Variants in SLC12A7 observed in about 807,000 individuals in gnomAD.
SLC12A7 encodes K-Cl cotransporter 4.
A neutral mutation model predicts 120.6 loss-of-function variants in SLC12A7; 100 were observed. That is an observed-to-expected ratio of 0.83 (90% CI 0.71 to 0.98). The LOEUF is 0.98. SLC12A7 is among the 50% of genes least tolerant of loss of function. The pLI is 0.00. For missense variants in SLC12A7, 1,373 were observed against 1,548.1 expected (o/e 0.89, Z 1.90); for synonymous variants, 760 against 678.0 (o/e 1.12, Z -1.88).
intron 17 of SLC12A7, among the ~76,000 whole-genome samples, chr5:1,068,847 A>C (rs1737335482): frequency 2.6e-5 from 4 of 152,220 alleles, no homozygotes; most frequent in Admixed American, 2.6e-4. Flanking sequence ...TCCCCCAGTC[A>C]CTGCAATCCC....
chr5:1,053,850 C>G (rs1389141922), intron 22 of SLC12A7, among the ~76,000 whole-genome samples: 2 of 152,218 alleles, frequency 1.3e-5, no homozygotes, highest in Non-Finnish European at 2.9e-5. Flanking sequence ...GGCCCATGTG[C>G]CTGACGCCTT....
Position 1,057,469 on chromosome 5 carries a change from A to G in SLC12A7, c.3026+2T>C. 6.2e-7 allele frequency: 1 copy of G among 1,608,560 alleles called. No individual in the cohort carries two copies. Among genetic ancestry groups the G allele is most frequent in the Non-Finnish European group, 8.5e-7 (1 of 1,178,536 alleles). On this transcript the variant is annotated splice_donor_variant, in intron 22 of 23. Coordinates refer to ENST00000264930, the MANE Select transcript of SLC12A7 (RefSeq NM_006598.3). LOFTEE classifies it high-confidence loss of function. ...CCCCAGGCCACACGCACGGACACTC[A>G]CGGCTTCATGCTGAAGAGGTCTTTG... is the stretch of plus-strand genomic sequence containing the variant.
chr5:1,067,758 C>T (rs1019563438), intron 17 of SLC12A7, among the ~76,000 whole-genome samples: 6 of 152,194 alleles, frequency 3.9e-5, no homozygotes, highest in Non-Finnish European at 5.9e-5. Context: ...TTCAGGAGGA[C>T]GCGGCACTGC....
intron 1 of SLC12A7, among the ~76,000 whole-genome samples, chr5:1,097,869 C>G (rs1038968825): frequency 6.6e-6 from 1 of 152,084 alleles, no homozygotes; most frequent in Non-Finnish European, 1.5e-5. Context: ...AGAAGAGTGT[C>G]GCTTGGTCTC....
At chr5:1,117,044 G>A (rs529741499), upstream of SLC12A7, among the ~76,000 whole-genome samples, 143 of 152,204 alleles carry the variant, frequency 9.4e-4, no homozygotes, top group Middle Eastern at 3.4e-3. The surrounding 1 kb of genome is among the most constrained non-coding windows in gnomAD (Gnocchi z 4.5). Context: ...TGCCGCCCCC[G>A]ACCCCAGCAA....
At chr5:1,154,328 T>C in the SLC12A7 span, among the ~76,000 whole-genome samples, 1 of 148,896 alleles carries the variant, frequency 6.7e-6, no homozygotes, top group African/African-American at 2.5e-5. Context: ...TACCAATCCA[T>C]GCAGTCCTGG....
At chr5:1,081,434 G>A (rs1739094696) in intron 9 of SLC12A7, 143 bp downstream of exon 9, 1 of 820,140 alleles carries the variant, frequency 1.2e-6, no homozygotes, top group Non-Finnish European at 1.8e-6. Flanking sequence ...CAGGTGGGAG[G>A]AATATTTGTG....
the SLC12A7 span, among the ~76,000 whole-genome samples, chr5:1,154,275 G>A: frequency 3.4e-4 from 52 of 150,976 alleles, 1 homozygote; most frequent in Middle Eastern, 3.4e-3. Context: ...GCACTGAGCC[G>A]AATCCAACTG....
chr5:1,107,946 C>A (rs1742656969), intron 1 of SLC12A7, among the ~76,000 whole-genome samples: 1 of 152,142 alleles, frequency 6.6e-6, no homozygotes, highest in South Asian at 2.1e-4. Flanking sequence ...GGAACGGATA[C>A]CCAACACCCA....
intron 18 of SLC12A7, 46 bp downstream of exon 18, chr5:1,065,237 A>G: frequency 7.2e-7 from 1 of 1,398,520 alleles, no homozygotes; most frequent in Non-Finnish European, 9.8e-7. Context: ...GAGAGGACAC[A>G]GAGGGGACGG....
chr5:1,138,918 T>C, the SLC12A7 span, among the ~76,000 whole-genome samples: 2 of 152,240 alleles, frequency 1.3e-5, no homozygotes, highest in Non-Finnish European at 2.9e-5. Context: ...TCCTAACATG[T>C]GCCCTGAGGT....
Position 1,097,346 on chromosome 5 carries a change from C to T in SLC12A7, c.125-3098G>A, listed in dbSNP as rs540745014. Among the ~76,000 whole-genome samples, 13 of 152,288 alleles carry T rather than the reference C, an allele frequency of 8.5e-5. 1 individual carries two copies. The highest frequency in any genetic ancestry group is 6.2e-4 in the South Asian group (3 of 4,826). ...CCTGCTCACCGCAGCGTCTCCTCTG[C>T]GCAGCCCACTTGGGAAGATGGCAAC... On this transcript the variant is annotated intron_variant, in intron 1 of 23. Coordinates refer to ENST00000264930, the MANE Select transcript of SLC12A7 (RefSeq NM_006598.3).
chr5:1,107,484 C>T (rs1742617891), intron 1 of SLC12A7, among the ~76,000 whole-genome samples: 1 of 152,220 alleles, frequency 6.6e-6, no homozygotes, highest in Admixed American at 6.5e-5. Context: ...GAGGACAGCC[C>T]CCAACTCACC....
At chr5:1,074,982 G>A (rs1031749185) in intron 15 of SLC12A7, among the ~76,000 whole-genome samples, 5 of 152,196 alleles carry the variant, frequency 3.3e-5, no homozygotes, top group Non-Finnish European at 1.5e-5. Flanking sequence ...GGCACGAGGC[G>A]GGTGCAGGTG....
chr5:1,058,257 A>G (rs1373589433), intron 21 of SLC12A7, among the ~76,000 whole-genome samples: 1 of 152,246 alleles, frequency 6.6e-6, no homozygotes, highest in African/African-American at 2.4e-5. Context: ...CCGAAGGGGA[A>G]GTGGCGCCCT....
intron 18 of SLC12A7, among the ~76,000 whole-genome samples, chr5:1,064,559 C>T (rs916003890): frequency 4.6e-5 from 7 of 152,268 alleles, no homozygotes; most frequent in African/African-American, 1.7e-4. Context: ...AGAGCACACA[C>T]CCTCGGGTCG....
Position 1,053,354 on chromosome 5 carries a change from T to C in SLC12A7, c.3155A>G (p.Glu1052Gly). Residue 1052 changes from glutamate to glycine, a missense_variant, in exon 23 of 24, where the codon GAG (glutamate) becomes GGG (glycine). By Grantham distance (98) the Glu-to-Gly change is moderately conservative (BLOSUM62 -2). Transcript: ENST00000264930. ...CACACTGCAAGAAAGGATACAGTTCTCGTCTCCCTGCCGGTTTTTGGGAGG... is the reference window on the plus strand; with the variant it reads ...CACACTGCAAGAAAGGATACAGTTCCCGTCTCCCTGCCGGTTTTTGGGAGG... ...PGPPKNRQGDENYMEFLEVLT... is the reference protein window; with the variant it reads ...PGPPKNRQGDGNYMEFLEVLT... The C allele has an allele frequency of 6.2e-7, 1 of 1,613,824 alleles. No homozygotes were observed. Among genetic ancestry groups the C allele is most frequent in the Admixed American group, 1.7e-5 (1 of 60,008 alleles).
Position 1,050,879 on chromosome 5 carries a change from G to T in SLC12A7, c.*1481C>A. 1 of 398,632 alleles carries T rather than the reference G, an allele frequency of 2.5e-6. No homozygotes were observed. Among genetic ancestry groups the T allele is most frequent in the Non-Finnish European group, 4.4e-6 (1 of 226,058 alleles). 24.7% of individuals were successfully genotyped at this position (398,632 alleles called of 1,614,324 possible). A position where few individuals can be genotyped will look rare whatever the true frequency, so the allele number is the denominator to read the frequency against. On this transcript the variant is annotated 3_prime_UTR_variant, in exon 24 of 24. Coordinates refer to ENST00000264930, the MANE Select transcript of SLC12A7 (RefSeq NM_006598.3). ...GTCTGGCTCCTCAGAAACATCTGGG[G>T]GCACAAGTGCAGCCTCTGCCCCGAT...
chr5:1,085,873 G>A (rs1194620340), intron 6 of SLC12A7, among the ~76,000 whole-genome samples: 2 of 152,238 alleles, frequency 1.3e-5, no homozygotes, highest in Non-Finnish European at 2.9e-5. Context: ...TGTGACTGCT[G>A]CCCAGAGAGC....
Sources: gnomAD v4.1 joint callset for allele counts (sites outside exome capture counted in the v4.1 genomes callset) on GRCh38, gnomAD v4.1.1 for gene constraint, Gnocchi (gnomAD v3.1) non-coding constraint, MANE v1.5 for transcripts, NCBI Gene and HGNC (gene_info 2026-07-23, HGNC 2026-07-21) for gene names.